The following TMX4 variants were observed in gnomAD, a reference collection of about 807,000 sequenced individuals.
The protein encoded by TMX4 is thioredoxin-related transmembrane protein 4.
TMX4 carries 23 observed loss-of-function variants against 33.3 expected under a neutral mutation model. The observed-to-expected ratio is 0.69, with a 90% CI of 0.50 to 0.98. TMX4 has a LOEUF of 0.98. TMX4 is among the 50% of genes least tolerant of loss of function. TMX4 has a pLI of 0.00. For missense variants in TMX4, 399 were observed against 448.9 expected (o/e 0.89, Z 1.01); for synonymous variants, 164 against 161.5 (o/e 1.02, Z -0.12).
intron 5 of TMX4, among the ~76,000 whole-genome samples, chr20:7,989,074 G>A (rs902117996): frequency 1.4e-4 from 21 of 151,298 alleles, no homozygotes; most frequent in South Asian, 4.2e-4. Context: ...AGCAAAAGGC[G>A]TGTTTGAGAT....
intron 1 of TMX4, among the ~76,000 whole-genome samples, chr20:8,014,508 AG>A: frequency 1.3e-5 from 2 of 152,364 alleles, no homozygotes; most frequent in East Asian, 3.9e-4. Flanking sequence ...GGAGATAAAC[AG>A]GGAAGGAAAA....
chr20:7,985,702 A>G (rs2050628432), intron 6 of TMX4, among the ~76,000 whole-genome samples: 1 of 152,232 alleles, frequency 6.6e-6, no homozygotes, highest in Non-Finnish European at 1.5e-5. Context: ...TAAAGTTAAT[A>G]ATATTTTGTT....
At chr20:8,002,703 G>A (rs2050712685) in intron 2 of TMX4, among the ~76,000 whole-genome samples, 1 of 152,028 alleles carries the variant, frequency 6.6e-6, no homozygotes, top group African/African-American at 2.4e-5. Context: ...AAACACTGAA[G>A]CTTTACTTTT....
intron 4 of TMX4, among the ~76,000 whole-genome samples, chr20:7,997,188 C>A (rs1217376719): frequency 6.6e-6 from 1 of 152,074 alleles, no homozygotes; most frequent in African/African-American, 2.4e-5. Flanking sequence ...TGACTCATCC[C>A]CAAGTACTCT....
chr20:8,005,819 C>T (rs1219133535), intron 2 of TMX4, among the ~76,000 whole-genome samples: 2 of 152,186 alleles, frequency 1.3e-5, no homozygotes, highest in South Asian at 2.1e-4. Flanking sequence ...ACAGCCCAGC[C>T]GCTGGGTGGC....
chr20:7,995,994 C>T (rs763227077), intron 5 of TMX4, 32 bp downstream of exon 5: 2 of 1,548,848 alleles, frequency 1.3e-6, no homozygotes, highest in South Asian at 1.2e-5. Flanking sequence ...AACCTCTCTG[C>T]AAATATAAAC....
At chr20:8,006,457 G>A (rs1381562371) in intron 2 of TMX4, among the ~76,000 whole-genome samples, 1 of 152,086 alleles carries the variant, frequency 6.6e-6, no homozygotes, top group Middle Eastern at 3.2e-3. Flanking sequence ...ATACACTAAC[G>A]AAGATCTGCA....
At position 8,019,513 on chromosome 20, in the gene TMX4, G is replaced by C. The variant is rs1373904240; in HGVS notation, c.101C>G (p.Pro34Arg). The C allele has an allele frequency of 1.3e-6, 2 of 1,498,730 alleles. No homozygotes were observed. Among genetic ancestry groups the C allele is most frequent in the Admixed American group, 2.3e-5 (1 of 43,182 alleles). 92.8% of individuals were successfully genotyped at this position (1,498,730 alleles called of 1,614,324 possible). The change falls in exon 1 of 8, where the codon CCG becomes CGG. Residue 34 changes from proline (P) to arginine (R), a missense_variant. Coordinates refer to ENST00000246024, the MANE Select transcript of TMX4 (RefSeq NM_021156.4). ...TAGPEEAALP[P>R]EQSRVQPMTA... ...CATGGGCTGGACCCGGCTCTGCTCC[G>C]GCGGCAGCGCGGCCTCCTCGGGGCC...
rs2050804965 is a variant in TMX4 at position 8,019,670 on chromosome 20, C to A, written c.-57G>T. On this transcript the variant is annotated 5_prime_UTR_variant, in exon 1 of 8. Transcript: ENST00000246024. ...AGTGTGGGGAAGGGCAGCGGCCGGC[C>A]CGCAGCCTCGCTCGCCCGCCGGGTT... The A allele has an allele frequency of 7.9e-7, 1 of 1,265,732 alleles. No homozygotes were observed. Among genetic ancestry groups the A allele is most frequent in the African/African-American group, 1.6e-5 (1 of 63,992 alleles). 78.4% of individuals were successfully genotyped at this position (1,265,732 alleles called of 1,614,324 possible).
At chr20:7,991,389 T>C (rs543497199) in intron 5 of TMX4, among the ~76,000 whole-genome samples, 7 of 152,368 alleles carry the variant, frequency 4.6e-5, no homozygotes, top group Middle Eastern at 3.4e-3. Context: ...GTATCCCTTA[T>C]TCCAAATGCT....
In TMX4 at chr20:7,980,083, A is replaced by T. The variant is rs1358366888; in HGVS notation, c.*2168T>A. ...GACGGAATGCTGGAACTCAAAGTTT[A>T]AGATTTTGGAGCATTTGGGGTTTTG... On this transcript the variant is annotated 3_prime_UTR_variant, in exon 8 of 8. Transcript: ENST00000246024. 6.6e-6 allele frequency: 1 copy of T among 152,194 alleles called. No individual in the cohort carries two copies. The highest frequency in any genetic ancestry group is 1.5e-5 in the Non-Finnish European group (1 of 68,030). 9.4% of individuals were successfully genotyped at this position (152,194 alleles called of 1,614,324 possible).
In TMX4 at chr20:7,979,064, A is replaced by C. The variant is rs1420614854; in HGVS notation, c.*3187T>G. 1 of 152,066 alleles carries C rather than the reference A, an allele frequency of 6.6e-6. No homozygotes were observed. The highest frequency in any genetic ancestry group is 1.5e-5 in the Non-Finnish European group (1 of 68,012). 9.4% of individuals were successfully genotyped at this position (152,066 alleles called of 1,614,324 possible). On this transcript the variant is annotated 3_prime_UTR_variant, in exon 8 of 8. Coordinates refer to ENST00000246024, the MANE Select transcript of TMX4 (RefSeq NM_021156.4). ...AACTGATACTGCAATAGAGGGAAGCATGATTTTAATTTTTTTTTTTTTTAG... is the reference window on the plus strand; with the variant it reads ...AACTGATACTGCAATAGAGGGAAGCCTGATTTTAATTTTTTTTTTTTTTAG...
intron 1 of TMX4, among the ~76,000 whole-genome samples, chr20:8,017,284 T>G (rs2050780058): frequency 6.6e-6 from 1 of 152,340 alleles, no homozygotes; most frequent in East Asian, 1.9e-4. Flanking sequence ...CCACCTATTC[T>G]GAAGTGCACT....
At position 8,010,234 on chromosome 20, in the gene TMX4, G is replaced by C; in HGVS notation, c.258C>G (p.Ile86Met). The C allele has an allele frequency of 6.2e-7, 1 of 1,611,630 alleles. No homozygotes were observed. Reference protein sequence around the residue: ...AFAKNGEILQISVGKVDVIQE... With the variant: ...AFAKNGEILQMSVGKVDVIQE... ...GAATGACATCTACCTTCCCCACACT[G>C]ATCTGAAGTATTTCACCATTCTTTG... The change falls in exon 2 of 8, where the codon ATC becomes ATG. Residue 86 changes from isoleucine to methionine, a missense_variant. Coordinates refer to ENST00000246024, the MANE Select transcript of TMX4 (RefSeq NM_021156.4).
chr20:7,990,561 C>A (rs1438069596), intron 5 of TMX4, among the ~76,000 whole-genome samples: 5 of 152,190 alleles, frequency 3.3e-5, no homozygotes, highest in Admixed American at 3.3e-4. Context: ...CCCAGAAAGG[C>A]AAGCACTCCC....
intron 6 of TMX4, among the ~76,000 whole-genome samples, chr20:7,986,512 C>T (rs2050631449): frequency 1.3e-5 from 2 of 152,022 alleles, no homozygotes; most frequent in African/African-American, 4.8e-5. Flanking sequence ...ATCAATTATT[C>T]CCATTATAGT....
At chr20:8,013,456 C>T (rs1448898558) in intron 1 of TMX4, among the ~76,000 whole-genome samples, 3 of 152,166 alleles carry the variant, frequency 2.0e-5, no homozygotes, top group Non-Finnish European at 4.4e-5. Flanking sequence ...GAAATATATT[C>T]CAGATAGCCA....
intron 2 of TMX4, among the ~76,000 whole-genome samples, chr20:8,007,667 G>A (rs908872212): frequency 6.6e-6 from 1 of 152,022 alleles, no homozygotes; most frequent in African/African-American, 2.4e-5. Flanking sequence ...CTCCAAATAA[G>A]CCAAGTACAC....
chr20:7,997,507 T>TAA (rs1162887988), intron 4 of TMX4, among the ~76,000 whole-genome samples: 1 of 143,670 alleles, frequency 7.0e-6, no homozygotes, highest in Non-Finnish European at 1.5e-5. Flanking sequence ...TTTCCTTATT[T>TAA]AAAAAAAAAA....
Sources: gnomAD v4.1 joint callset for allele counts (sites outside exome capture counted in the v4.1 genomes callset) on GRCh38, gnomAD v4.1.1 for gene constraint, MANE v1.5 for transcripts, NCBI Gene and HGNC (gene_info 2026-07-23, HGNC 2026-07-21) for gene names.